Variants in DACH1 observed in about 807,000 individuals in gnomAD.
DACH1 encodes dachshund homolog 1.
In DACH1, 12 loss-of-function variants were observed where a neutral mutation model predicts 54.2. The ratio of observed to expected loss-of-function variants is 0.22; its 90% CI spans 0.14 to 0.36. The LOEUF (loss-of-function observed/expected upper bound fraction) is 0.36. Ranked by LOEUF, DACH1 falls within the 10% of genes least tolerant of loss-of-function variation. DACH1 has a pLI of 1.00. For synonymous variants in DACH1, 386 were observed against 366.2 expected (o/e 1.05, Z -0.62); for missense variants, 805 against 929.8 (o/e 0.87, Z 1.75).
At chr13:71,704,535 G>A in intron 1 of DACH1, 1 of 406,866 alleles carries the variant, frequency 2.5e-6, no homozygotes, top group South Asian at 2.2e-5. Flanking sequence ...AAGCCAAAGA[G>A]AAACATACCT....
At chr13:71,863,374 G>GT (rs1874479386) in intron 1 of DACH1, among the ~76,000 whole-genome samples, 1 of 148,044 alleles carries the variant, frequency 6.8e-6, no homozygotes, top group African/African-American at 2.5e-5. Context: ...GTTTGAGTAA[G>GT]CTTTTTTAGT....
chr13:71,648,862 G>A (rs892211933), intron 2 of DACH1, among the ~76,000 whole-genome samples: 25 of 152,084 alleles, frequency 1.6e-4, no homozygotes, highest in African/African-American at 5.6e-4. Context: ...CCATTTATGC[G>A]TTAGAAGCCT....
intron 2 of DACH1, among the ~76,000 whole-genome samples, chr13:71,633,155 G>C (rs1192085151): frequency 6.6e-6 from 1 of 152,144 alleles, no homozygotes; most frequent in African/African-American, 2.4e-5. Context: ...TTATCAGAGA[G>C]ATCCAAATCA....
chr13:71,653,219 A>T (rs980829999), intron 2 of DACH1, among the ~76,000 whole-genome samples: 3 of 152,108 alleles, frequency 2.0e-5, no homozygotes, highest in African/African-American at 7.2e-5. Context: ...CCGCCCCTAA[A>T]TCCATGCTCA....
At chr13:71,489,766 T>C (rs1222461767) in intron 6 of DACH1, among the ~76,000 whole-genome samples, 2 of 152,134 alleles carry the variant, frequency 1.3e-5, no homozygotes, top group South Asian at 2.1e-4. Context: ...GAAGACCTTT[T>C]ACCTTCATAT....
intron 3 of DACH1, among the ~76,000 whole-genome samples, chr13:71,583,929 A>G (rs1239430081): frequency 6.6e-6 from 1 of 152,202 alleles, no homozygotes; most frequent in East Asian, 1.9e-4. Context: ...TAAAATACTT[A>G]CTATAATCTG....
intron 3 of DACH1, among the ~76,000 whole-genome samples, chr13:71,611,872 G>A (rs890200164): frequency 1.5e-4 from 23 of 151,952 alleles, no homozygotes; most frequent in African/African-American, 5.6e-4. Context: ...AGATGTGCAT[G>A]GTGTTTTATA....
At chr13:71,609,720 T>G (rs1005282386) in intron 3 of DACH1, among the ~76,000 whole-genome samples, 6 of 151,986 alleles carry the variant, frequency 3.9e-5, no homozygotes, top group Non-Finnish European at 8.8e-5. Flanking sequence ...AGAGATGAGA[T>G]TTCACCATGT....
At chr13:71,501,309 A>G in intron 6 of DACH1, among the ~76,000 whole-genome samples, 1 of 152,170 alleles carries the variant, frequency 6.6e-6, no homozygotes, top group Admixed American at 6.5e-5. Context: ...CAGTCATCAC[A>G]TATACGCATA....
At chr13:71,520,259 T>C (rs907088346) in intron 6 of DACH1, among the ~76,000 whole-genome samples, 2 of 151,586 alleles carry the variant, frequency 1.3e-5, no homozygotes, top group Admixed American at 6.6e-5. Context: ...AAGATTATGG[T>C]AAGAATTAGG....
chr13:71,777,726 C>G lies in DACH1; in HGVS notation c.848+88196G>C, dbSNP rs577179861. On this transcript the variant is annotated intron_variant, in intron 1 of 10. Coordinates refer to ENST00000613252, the MANE Select transcript of DACH1 (RefSeq NM_080759.6). ...TTTCTACTGGACAACAAATAGAAGA[C>G]TTGCTAACCTTTGTCAGACGTTTAA... Among the ~76,000 whole-genome samples, 3 of 152,148 alleles carry G rather than the reference C, an allele frequency of 2.0e-5. No homozygotes were observed. The South Asian group carries it at 6.2e-4, about 32-fold the overall frequency.
intron 2 of DACH1, among the ~76,000 whole-genome samples, chr13:71,649,213 C>T (rs1056140101): frequency 3.9e-5 from 6 of 152,060 alleles, no homozygotes; most frequent in African/African-American, 1.2e-4. Context: ...ATAAGCCATA[C>T]GTATAGCCTA....
rs577680032 is a variant in DACH1, at chr13:71,599,422, GA to G, written c.1127-26411del. ...AACAATTCCTGGGCTTTCAGGGGTA[GA>G]AAAATGGCATCCTCTTCCCTTGTTC... is the stretch of plus-strand genomic sequence containing the variant. On this transcript the variant is annotated intron_variant, in intron 3 of 10. Transcript: ENST00000613252. Among the ~76,000 whole-genome samples, 42 of 152,216 alleles carry G rather than the reference GA, an allele frequency of 2.8e-4. No individual in the cohort carries two copies. The East Asian group carries it at 7.5e-3, about 27-fold the overall frequency.
At chr13:71,581,837 A>G (rs1217590443) in intron 3 of DACH1, among the ~76,000 whole-genome samples, 1 of 152,150 alleles carries the variant, frequency 6.6e-6, no homozygotes, top group African/African-American at 2.4e-5. Flanking sequence ...CTAACTCTGA[A>G]TTCACAATCC....
At chr13:71,446,327 C>T (rs1436375242) in intron 10 of DACH1, among the ~76,000 whole-genome samples, 1 of 152,150 alleles carries the variant, frequency 6.6e-6, no homozygotes, top group Non-Finnish European at 1.5e-5. Flanking sequence ...GGCAAGTTTA[C>T]CAATCAGTTA....
At chr13:71,472,674 G>A (rs974741678) in intron 10 of DACH1, among the ~76,000 whole-genome samples, 1 of 151,374 alleles carries the variant, frequency 6.6e-6, no homozygotes, top group Non-Finnish European at 1.5e-5. Context: ...CAGTTGGAGA[G>A]AGAAAGTGAT....
intron 2 of DACH1, among the ~76,000 whole-genome samples, chr13:71,651,695 T>C (rs894259513): frequency 6.9e-6 from 1 of 145,034 alleles, no homozygotes; most frequent in African/African-American, 2.6e-5. Context: ...TATGTATATG[T>C]ATATGTATAT....
chr13:71,590,875 C>CTTTTTTTTTTTTTTTTTTT (rs71123234), intron 3 of DACH1, among the ~76,000 whole-genome samples: 1 of 85,142 alleles, frequency 1.2e-5, no homozygotes, highest in Non-Finnish European at 2.2e-5. Context: ...CTCTCTCTTT[C>CTTTTTTTTTTTTTTTTTTT]TTTTTTTTTT....
chr13:71,590,047 T>A (rs1873584055), intron 3 of DACH1, among the ~76,000 whole-genome samples: 1 of 152,062 alleles, frequency 6.6e-6, no homozygotes, highest in African/African-American at 2.4e-5. Flanking sequence ...CATAAATCTT[T>A]GAAATGTCCT....
Sources: allele counts gnomAD v4.1 joint callset (sites outside exome capture counted in the v4.1 genomes callset), GRCh38; gene constraint gnomAD v4.1.1; transcripts MANE v1.5; gene names NCBI Gene and HGNC (gene_info 2026-07-23, HGNC 2026-07-21).